NXPH1: variants seen among roughly 807,000 people sequenced by gnomAD.
NXPH1 encodes the protein neurexophilin 1, also known as neurexophilin-1.
Under a neutral mutation model 23.7 loss-of-function variants are expected in NXPH1, and 5 were observed. The observed-to-expected ratio is 0.21, with a 90% CI of 0.11 to 0.44. NXPH1 has a LOEUF of 0.44. NXPH1 is among the 20% of genes least tolerant of loss of function. The probability of loss-of-function intolerance (pLI) is 0.99; values close to 1 mark genes in which losing one functional copy is unlikely to be tolerated. For missense variants in NXPH1, 324 were observed against 321.6 expected (o/e 1.01, Z -0.06); for synonymous variants, 144 against 122.2 (o/e 1.18, Z -1.18).
chr7:8,472,687 C>T (rs973926869), intron 2 of NXPH1, among the ~76,000 whole-genome samples: 1 of 152,102 alleles, frequency 6.6e-6, no homozygotes, highest in Non-Finnish European at 1.5e-5. Flanking sequence ...AAATCCCAGG[C>T]CAAGTCAGGG....
chr7:8,632,438 G>A (rs1041721390), intron 2 of NXPH1, among the ~76,000 whole-genome samples: 1 of 151,930 alleles, frequency 6.6e-6, no homozygotes, highest in Non-Finnish European at 1.5e-5. Flanking sequence ...TTTTTCTCTG[G>A]TAGCCTCATT....
intron 2 of NXPH1, among the ~76,000 whole-genome samples, chr7:8,440,264 G>A (rs892498814): frequency 2.0e-5 from 3 of 152,206 alleles, no homozygotes; most frequent in Non-Finnish European, 4.4e-5. Flanking sequence ...AAAGCAGCTC[G>A]CCCAAGTGTG....
chr7:8,713,947 G>A (rs762625349), intron 2 of NXPH1, among the ~76,000 whole-genome samples: 3 of 152,130 alleles, frequency 2.0e-5, no homozygotes, highest in East Asian at 1.9e-4. Flanking sequence ...CTTGCTCAAG[G>A]CCCCGGCAAC....
At chr7:8,583,226 A>C (rs753977610) in intron 2 of NXPH1, among the ~76,000 whole-genome samples, 1 of 152,154 alleles carries the variant, frequency 6.6e-6, no homozygotes, top group Non-Finnish European at 1.5e-5. Context: ...GACTTCCCAA[A>C]ATAGGTACAG....
intron 2 of NXPH1, among the ~76,000 whole-genome samples, chr7:8,699,721 T>C (rs182463737): frequency 2.0e-5 from 3 of 152,264 alleles, no homozygotes; most frequent in African/African-American, 7.2e-5. Context: ...GTCTTCCGTT[T>C]GGGCCACTTT....
At chr7:8,698,681 A>G (rs929881054) in intron 2 of NXPH1, among the ~76,000 whole-genome samples, 1 of 152,172 alleles carries the variant, frequency 6.6e-6, no homozygotes, top group African/African-American at 2.4e-5. Context: ...TGCTATATGA[A>G]GGAGGCTATT....
chr7:8,451,584 G>A (rs1330151300), intron 2 of NXPH1, among the ~76,000 whole-genome samples: 1 of 152,190 alleles, frequency 6.6e-6, no homozygotes, highest in Non-Finnish European at 1.5e-5. Flanking sequence ...ATAGTAAAAA[G>A]CATTAGTCTT....
At position 8,497,609 on chromosome 7, in the gene NXPH1, C is replaced by G. The variant is rs62448063; in HGVS notation, c.54+61842C>G. On this transcript the variant is annotated intron_variant, in intron 2 of 2. Coordinates refer to ENST00000405863, the MANE Select transcript of NXPH1 (RefSeq NM_152745.3). ...GTTTTGATTTGCATTTCTCTGATGG[C>G]CAGTGATGATGAGCATTTTTTCATG... Among the ~76,000 whole-genome samples, 3 of 152,162 alleles carry G rather than the reference C, an allele frequency of 2.0e-5. No homozygotes were observed. The South Asian group carries it at 6.2e-4, about 32-fold the overall frequency.
At chr7:8,529,754 G>A (rs777134782) in intron 2 of NXPH1, among the ~76,000 whole-genome samples, 3 of 152,070 alleles carry the variant, frequency 2.0e-5, no homozygotes, top group South Asian at 4.2e-4. Context: ...TACAGTGAGT[G>A]GTCAATACAT....
At chr7:8,705,562 T>C (rs1171747011) in intron 2 of NXPH1, among the ~76,000 whole-genome samples, 3 of 152,188 alleles carry the variant, frequency 2.0e-5, no homozygotes, top group Non-Finnish European at 2.9e-5. Context: ...GAAGAAGATA[T>C]ATGTATCTTA....
chr7:8,716,211 C>T (rs2115202134), intron 2 of NXPH1, among the ~76,000 whole-genome samples: 1 of 152,246 alleles, frequency 6.6e-6, no homozygotes, highest in African/African-American at 2.4e-5. Context: ...CTAAAAATTT[C>T]ACATCTTACT....
intron 2 of NXPH1, among the ~76,000 whole-genome samples, chr7:8,558,806 T>G (rs1257909018): frequency 2.6e-5 from 4 of 151,726 alleles, no homozygotes; most frequent in Admixed American, 6.6e-5. Flanking sequence ...CCACCTTTCT[T>G]GCTTGCTTTT....
intron 2 of NXPH1, among the ~76,000 whole-genome samples, chr7:8,744,763 T>C (rs1419666555): frequency 1.3e-5 from 2 of 152,242 alleles, no homozygotes; most frequent in Non-Finnish European, 2.9e-5. Context: ...GCAAGCAAGC[T>C]TTCTCAACCT....
chr7:8,641,602 G>A (rs1439642267), intron 2 of NXPH1, among the ~76,000 whole-genome samples: 1 of 152,006 alleles, frequency 6.6e-6, no homozygotes, highest in East Asian at 1.9e-4. Flanking sequence ...AATATGCTTT[G>A]TTGGTTTCCT....
At chr7:8,539,694 T>C (rs552915264) in intron 2 of NXPH1, among the ~76,000 whole-genome samples, 20 of 151,978 alleles carry the variant, frequency 1.3e-4, no homozygotes, top group Non-Finnish European at 2.2e-4. Flanking sequence ...GATTAAATTA[T>C]CAATGCACAT....
intron 2 of NXPH1, among the ~76,000 whole-genome samples, chr7:8,575,920 G>A (rs139249246): frequency 6.6e-6 from 1 of 152,122 alleles, no homozygotes; most frequent in Non-Finnish European, 1.5e-5. Context: ...TTTATAGAGT[G>A]CTTGAAAGCC....
At chr7:8,615,231 C>T (rs1229836058) in intron 2 of NXPH1, among the ~76,000 whole-genome samples, 1 of 152,006 alleles carries the variant, frequency 6.6e-6, no homozygotes, top group Non-Finnish European at 1.5e-5. Context: ...GGAGCTAAAT[C>T]TTTAATAAAA....
chr7:8,449,622 G>GT (rs1816470402), intron 2 of NXPH1, among the ~76,000 whole-genome samples: 1 of 152,170 alleles, frequency 6.6e-6, no homozygotes, highest in African/African-American at 2.4e-5. Flanking sequence ...AGTGTGTCTG[G>GT]TGTAAGGTGG....
At chr7:8,499,366 C>G (rs895016666) in intron 2 of NXPH1, among the ~76,000 whole-genome samples, 1 of 151,998 alleles carries the variant, frequency 6.6e-6, no homozygotes, top group Non-Finnish European at 1.5e-5. Context: ...TGCTCCAAGA[C>G]TACTTTCATC....
Sources: allele counts gnomAD v4.1 joint callset (sites outside exome capture counted in the v4.1 genomes callset), GRCh38; gene constraint gnomAD v4.1.1; transcripts MANE v1.5; gene names NCBI Gene and HGNC (gene_info 2026-07-23, HGNC 2026-07-21).